The following CATSPERD variants were observed in gnomAD, a reference collection of about 807,000 sequenced individuals.
CATSPERD encodes the protein cation channel sperm-associated auxiliary subunit delta.
A neutral mutation model predicts 98.1 loss-of-function variants in CATSPERD; 86 were observed. That is an observed-to-expected ratio of 0.88 (90% CI 0.74 to 1.05). The LOEUF is 1.05. Among genes scored for constraint, CATSPERD ranks in the 50% least tolerant of loss-of-function variants. The pLI, the probability that CATSPERD is intolerant of heterozygous loss-of-function variation, is 0.00. For synonymous variants in CATSPERD, 394 were observed against 390.2 expected (o/e 1.01, Z -0.12); for missense variants, 995 against 1,005.7 (o/e 0.99, Z 0.14).
At position 5,720,840 on chromosome 19, in the gene CATSPERD, G is replaced by GAT. The variant is rs755297564; in HGVS notation, c.71+32_71+33insAT. On this transcript the variant is annotated intron_variant, in intron 1 of 21. Transcript: ENST00000381624. ...CTGCCAGGACTCCTGGGGCTGGGGTGCTGCCGGGGGTCGGGAGGGTGCTGG... is the reference window on the plus strand; with the variant it reads ...CTGCCAGGACTCCTGGGGCTGGGGTGATCTGCCGGGGGTCGGGAGGGTGCTGG... 3 of 1,574,598 alleles carry GAT rather than the reference G, an allele frequency of 1.9e-6. No homozygotes were observed. The African/African-American group carries it at 4.0e-5, about 21-fold the overall frequency.
intron 1 of CATSPERD, among the ~76,000 whole-genome samples, chr19:5,723,211 A>G (rs2055533942): frequency 6.6e-6 from 1 of 151,480 alleles, no homozygotes; most frequent in African/African-American, 2.4e-5. Flanking sequence ...GAAAAAGAAA[A>G]AGAAAAAAGA....
At chr19:5,736,500 C>T (rs1019813072) in intron 5 of CATSPERD, among the ~76,000 whole-genome samples, 4 of 146,438 alleles carry the variant, frequency 2.7e-5, no homozygotes, top group South Asian at 4.4e-4. Context: ...GTGGATCACT[C>T]GAGGTCAGGA....
intron 5 of CATSPERD, among the ~76,000 whole-genome samples, chr19:5,734,800 T>TAA (rs762370098): frequency 7.4e-6 from 1 of 134,890 alleles, no homozygotes. Context: ...AGACTCTGTC[T>TAA]AAAAAAAAAA....
intron 1 of CATSPERD, among the ~76,000 whole-genome samples, chr19:5,723,213 GAA>G (rs1161962401): frequency 6.7e-6 from 1 of 150,208 alleles, no homozygotes; most frequent in Non-Finnish European, 1.5e-5. Context: ...AAAAGAAAAA[GAA>G]AAAAGAAATT....
At chr19:5,741,325 G>T (rs997294537) in intron 7 of CATSPERD, among the ~76,000 whole-genome samples, 17 of 152,126 alleles carry the variant, frequency 1.1e-4, no homozygotes, top group Non-Finnish European at 1.3e-4. Flanking sequence ...CTGAGACCGA[G>T]TAATTTATAA....
chr19:5,727,145 A>G, intron 2 of CATSPERD, 123 bp from the exon 3 acceptor site: 3 of 670,036 alleles, frequency 4.5e-6, no homozygotes, highest in Non-Finnish European at 7.7e-6. Context: ...CAGTGAGCCA[A>G]GATTGTGCAA....
chr19:5,762,058 A>ATATATATATATATATATTTTT, intron 15 of CATSPERD, among the ~76,000 whole-genome samples: 1 of 10,434 alleles, frequency 9.6e-5, no homozygotes, highest in African/African-American at 3.3e-4. Context: ...ATATATATAT[A>ATATATATATATATATATTTTT]TTTTTTTTTT....
intron 6 of CATSPERD, among the ~76,000 whole-genome samples, chr19:5,738,406 C>A (rs2145725390): frequency 6.6e-6 from 1 of 151,020 alleles, no homozygotes; most frequent in Non-Finnish European, 1.5e-5. Context: ...GTGGTGAGCA[C>A]CTATAGTCCC....
rs536574100 is a variant in CATSPERD, at chr19:5,754,133, T to C, written c.1166T>C (p.Ile389Thr). The C allele has an allele frequency of 5.0e-6, 8 of 1,595,408 alleles. No individual in the cohort carries two copies. The highest frequency in any genetic ancestry group is 4.4e-5 in the South Asian group (4 of 90,704). Residue 389 changes from isoleucine to threonine, a missense_variant and splice_region_variant, in exon 13 of 22, where the codon ATA (isoleucine) becomes ACA (threonine). Physicochemically the swap from Ile to Thr is moderately conservative, Grantham distance 89. Coordinates refer to ENST00000381624, the MANE Select transcript of CATSPERD (RefSeq NM_152784.4). ...TTTCTTCTTCGCCTTTTTAACTAGA[T>C]AGAGTTTCTGACAGGAGAATTTATA... Reference protein sequence around the residue: ...DPELHVGKCKIEFLTGEFIYR... With the variant: ...DPELHVGKCKTEFLTGEFIYR...
At chr19:5,762,265 T>C (rs1484726473) in intron 15 of CATSPERD, among the ~76,000 whole-genome samples, 2 of 150,142 alleles carry the variant, frequency 1.3e-5, no homozygotes, top group African/African-American at 4.9e-5. Flanking sequence ...GGTTTCGCCA[T>C]GTTGGCCAGA....
intron 7 of CATSPERD, 86 bp downstream of exon 7, chr19:5,739,525 G>A: frequency 1.3e-6 from 1 of 772,208 alleles, no homozygotes. Flanking sequence ...GCGTGAGGGT[G>A]TTTTCCTCTT....
intron 8 of CATSPERD, 109 bp downstream of exon 8, chr19:5,744,619 T>C: frequency 1.5e-6 from 1 of 686,480 alleles, no homozygotes; most frequent in Non-Finnish European, 2.2e-6. Context: ...AATTTTTTTT[T>C]AGACAGAGTC....
At chr19:5,750,268 GA>G (rs2056181960) in intron 11 of CATSPERD, among the ~76,000 whole-genome samples, 1 of 148,748 alleles carries the variant, frequency 6.7e-6, no homozygotes, top group Admixed American at 6.7e-5. Context: ...CTAACACGGT[GA>G]AACCCCGTCT....
At chr19:5,769,757 T>C (rs976630580) in intron 18 of CATSPERD, among the ~76,000 whole-genome samples, 1 of 152,078 alleles carries the variant, frequency 6.6e-6, no homozygotes, top group Non-Finnish European at 1.5e-5. Flanking sequence ...TATTGCAAAA[T>C]GCCTTAAACT....
At chr19:5,776,870 T>G (rs117272593) in intron 21 of CATSPERD, among the ~76,000 whole-genome samples, 7,539 of 139,596 alleles carry the variant, frequency 0.054, 449 homozygotes, top group East Asian at 0.35. Context: ...AGAGCGAGAC[T>G]CCATCTCAAA....
At chr19:5,749,709 G>T (rs548365462) in intron 11 of CATSPERD, among the ~76,000 whole-genome samples, 2 of 152,040 alleles carry the variant, frequency 1.3e-5, no homozygotes, top group East Asian at 3.9e-4. Flanking sequence ...AAAAACTGAG[G>T]CACAGAGACC....
At chr19:5,773,968 C>CTTTTT (rs71172771) in intron 20 of CATSPERD, among the ~76,000 whole-genome samples, 2 of 120,408 alleles carry the variant, frequency 1.7e-5, no homozygotes, top group Non-Finnish European at 3.3e-5. Flanking sequence ...TTTGCATTTG[C>CTTTTT]TTTTTTTTTT....
intron 7 of CATSPERD, among the ~76,000 whole-genome samples, chr19:5,743,702 C>G (rs3097890): frequency 4.6e-4 from 57 of 124,402 alleles, no homozygotes; most frequent in African/African-American, 1.0e-3. Flanking sequence ...CTCTCTCTCT[C>G]TCTCTGTCTC....
intron 4 of CATSPERD, among the ~76,000 whole-genome samples, chr19:5,731,329 G>A (rs1447683602): frequency 1.6e-5 from 2 of 128,244 alleles, no homozygotes; most frequent in Non-Finnish European, 3.6e-5. Context: ...GAAATTAGCC[G>A]AGTGTGGTGG....
Sources: gnomAD v4.1 joint callset for allele counts (sites outside exome capture counted in the v4.1 genomes callset) on GRCh38, gnomAD v4.1.1 for gene constraint, MANE v1.5 for transcripts, NCBI Gene and HGNC (gene_info 2026-07-23, HGNC 2026-07-21) for gene names.